Variants in APOD observed in about 807,000 individuals in gnomAD.
APOD encodes apo-D.
A neutral mutation model predicts 20.4 loss-of-function variants in APOD; 22 were observed. The observed-to-expected ratio is 1.08, with a 90% CI of 0.77 to 1.54. The LOEUF is 1.54. Ranked by LOEUF, APOD falls within the 40% of genes most tolerant of loss-of-function variation. The pLI is 0.00. For synonymous variants in APOD, 97 were observed against 92.4 expected (o/e 1.05, Z -0.29); for missense variants, 223 against 229.6 (o/e 0.97, Z 0.19).
chr3:195,576,379 G>A (rs957130910), intron 2 of APOD, among the ~76,000 whole-genome samples: 22 of 152,226 alleles, frequency 1.4e-4, no homozygotes, highest in African/African-American at 5.3e-4. Flanking sequence ...TCCTAGAAAA[G>A]AAGAGGTAAA....
chr3:195,571,153 T>A (rs1720151766), intron 4 of APOD, 124 bp downstream of exon 4: 1 of 864,390 alleles, frequency 1.2e-6, no homozygotes, highest in African/African-American at 1.6e-5. Context: ...GTTTGACAGA[T>A]AATTATGTGC....
At chr3:195,579,585 T>C in intron 1 of APOD, 90 bp from the exon 2 acceptor site, 1 of 1,389,110 alleles carries the variant, frequency 7.2e-7, no homozygotes, top group Non-Finnish European at 9.8e-7. Flanking sequence ...CATGGTCCCC[T>C]CTGTGGGCGG....
intron 1 of APOD, among the ~76,000 whole-genome samples, chr3:195,582,343 CAT>C (rs1486564533): frequency 6.6e-6 from 1 of 152,186 alleles, no homozygotes; most frequent in Non-Finnish European, 1.5e-5. Context: ...CTTTGGGTAA[CAT>C]ATGGATTATA....
chr3:195,579,955 T>G (rs767791925), intron 1 of APOD, among the ~76,000 whole-genome samples: 2 of 152,186 alleles, frequency 1.3e-5, no homozygotes, highest in Non-Finnish European at 2.9e-5. Flanking sequence ...CAACACTTAG[T>G]GTCCTCTGAG....
At chr3:195,582,240 G>A (rs1311084343) in intron 1 of APOD, among the ~76,000 whole-genome samples, 3 of 152,136 alleles carry the variant, frequency 2.0e-5, no homozygotes, top group African/African-American at 7.2e-5. Context: ...CCTTGTGAGA[G>A]AAAGGGCGGA....
intron 1 of APOD, among the ~76,000 whole-genome samples, chr3:195,581,784 A>G (rs184581864): frequency 1.3e-5 from 2 of 152,348 alleles, no homozygotes; most frequent in African/African-American, 4.8e-5. Flanking sequence ...GCTGAAACAG[A>G]TTCTTTACCT....
intron 3 of APOD, among the ~76,000 whole-genome samples, chr3:195,572,514 T>G (rs1187203350): frequency 6.6e-6 from 1 of 152,190 alleles, no homozygotes; most frequent in Non-Finnish European, 1.5e-5. Context: ...CCTCTTTGAA[T>G]GAGCCTGCTT....
chr3:195,577,856 A>G (rs1720271716), intron 2 of APOD, among the ~76,000 whole-genome samples: 1 of 152,244 alleles, frequency 6.6e-6, no homozygotes. Context: ...GAATAGGCAA[A>G]TTCGGAGACA....
At chr3:195,581,313 T>C (rs1427836253) in intron 1 of APOD, among the ~76,000 whole-genome samples, 1 of 152,164 alleles carries the variant, frequency 6.6e-6, no homozygotes, top group Non-Finnish European at 1.5e-5. Context: ...TCCACCACTG[T>C]ATAAACAAAA....
intron 4 of APOD, among the ~76,000 whole-genome samples, chr3:195,569,798 T>G (rs866918806): frequency 1.5e-5 from 2 of 130,186 alleles, no homozygotes; most frequent in African/African-American, 2.9e-5. Context: ...TTTTTTTTTT[T>G]TTTTTTTTTT....
chr3:195,572,735 GGC>G (rs1720183669), intron 3 of APOD, among the ~76,000 whole-genome samples: 1 of 152,154 alleles, frequency 6.6e-6, no homozygotes, highest in Admixed American at 6.5e-5. Flanking sequence ...AGGTTGGCCG[GGC>G]GTGGTGGCTC....
chr3:195,568,859 G>T lies in APOD; in HGVS notation c.*41C>A. On this transcript the variant is annotated 3_prime_UTR_variant, in exon 5 of 5. Coordinates refer to ENST00000343267, the MANE Select transcript of APOD (RefSeq NM_001647.4). The stretch of plus-strand genomic sequence containing the variant: ...GGGGGGGGTAGGGGAAAGCGAAGCA[G>T]AAGTAACATGGAGTGGGTGCAGCCT... 2 of 1,428,856 alleles carry T rather than the reference G, an allele frequency of 1.4e-6. No homozygotes were observed. The highest frequency in any genetic ancestry group is 2.0e-6 in the Non-Finnish European group (2 of 1,014,362). The allele number at this position is 1,428,856 out of a possible 1,614,324, so 88.5% of individuals were successfully genotyped here. A position where few individuals can be genotyped will look rare whatever the true frequency, so the allele number is the denominator to read the frequency against.
At chr3:195,573,317 G>A (rs997685360) in intron 3 of APOD, among the ~76,000 whole-genome samples, 2 of 152,180 alleles carry the variant, frequency 1.3e-5, no homozygotes, top group Admixed American at 6.5e-5. Context: ...ATTAATTATT[G>A]TGTTAGAAGC....
At chr3:195,579,290 G>A (rs1418921576) in intron 2 of APOD, 49 bp downstream of exon 2, 8 of 1,610,754 alleles carry the variant, frequency 5.0e-6, no homozygotes, top group Non-Finnish European at 6.8e-6. Context: ...CTTGTAGAAC[G>A]CTTATTCACA....
In APOD at chr3:195,569,668, T is replaced by C. The variant is rs550446902; in HGVS notation, c.335-533A>G. On this transcript the variant is annotated intron_variant, in intron 4 of 4. Coordinates refer to ENST00000343267, the MANE Select transcript of APOD (RefSeq NM_001647.4). ...TGAAAACTTTGACAGTCTCCTATTG[T>C]TTATGGAAGAAACTTCAAGCCTTTT... Among the ~76,000 whole-genome samples, 6 of 152,210 alleles carry C rather than the reference T, an allele frequency of 3.9e-5. No homozygotes were observed. In the East Asian group the frequency reaches 5.8e-4, roughly 15 times the overall value.
intron 4 of APOD, among the ~76,000 whole-genome samples, chr3:195,569,796 T>G (rs200771220): frequency 0.04 from 4,953 of 125,300 alleles, 337 homozygotes; most frequent in East Asian, 0.31. Flanking sequence ...GTTTTTTTTT[T>G]TTTTTTTTTT....
At chr3:195,582,777 A>T (rs761626788) in intron 1 of APOD, 2 of 152,074 alleles carry the variant, frequency 1.3e-5, no homozygotes, top group African/African-American at 4.8e-5. Flanking sequence ...AACAAAAAAT[A>T]CAAAAATTAG....
At chr3:195,572,015 AGGC>A in intron 3 of APOD, among the ~76,000 whole-genome samples, 1 of 152,198 alleles carries the variant, frequency 6.6e-6, no homozygotes, top group Non-Finnish European at 1.5e-5. Context: ...TCCTGACCTC[AGGC>A]AATCTACCTG....
chr3:195,568,871 AGT>A lies in APOD; in HGVS notation c.*27_*28del. On this transcript the variant is annotated 3_prime_UTR_variant, in exon 5 of 5. Coordinates refer to ENST00000343267, the MANE Select transcript of APOD (RefSeq NM_001647.4). ...GGAAAGCGAAGCAGAAGTAACATGG[AGT>A]GGGTGCAGCCTCCCTGTAGAACCTG... 1 of 1,518,600 alleles carries A rather than the reference AGT, an allele frequency of 6.6e-7. No homozygotes were observed. Among genetic ancestry groups the A allele is most frequent in the Non-Finnish European group, 9.1e-7 (1 of 1,094,566 alleles). 94.1% of individuals were successfully genotyped at this position (1,518,600 alleles called of 1,614,324 possible). A position where few individuals can be genotyped will look rare whatever the true frequency, so the allele number is the denominator to read the frequency against.
Sources: gnomAD v4.1 joint callset for allele counts (sites outside exome capture counted in the v4.1 genomes callset) on GRCh38, gnomAD v4.1.1 for gene constraint, MANE v1.5 for transcripts, NCBI Gene and HGNC (gene_info 2026-07-23, HGNC 2026-07-21) for gene names.